ATP9B: variants seen among roughly 807,000 people sequenced by gnomAD.
ATP9B encodes the protein probable phospholipid-transporting ATPase IIB.
ATP9B carries 110 observed loss-of-function variants against 146.1 expected under a neutral mutation model. The observed-to-expected ratio is 0.75, with a 90% CI of 0.65 to 0.88. ATP9B has a LOEUF of 0.88. ATP9B is among the 40% of genes least tolerant of loss of function. The probability of loss-of-function intolerance (pLI) is 0.00; values close to 1 mark genes in which losing one functional copy is unlikely to be tolerated. For missense variants in ATP9B, 1,499 were observed against 1,496.4 expected, an observed-to-expected ratio of 1.00 and a Z score of -0.03; for synonymous variants, 604 against 569.7, an observed-to-expected ratio of 1.06 and a Z score of -0.86.
rs201895703 is a variant in ATP9B at position 79,336,614 on chromosome 18, C to T, written c.2029-14C>T. 2.5e-5 allele frequency: 40 copies of T among 1,613,380 alleles called. No individual in the cohort carries two copies. The highest frequency in any genetic ancestry group is 3.3e-5 in the Non-Finnish European group (39 of 1,179,700). On this transcript the variant is annotated splice_polypyrimidine_tract_variant and intron_variant, in intron 17 of 29. Transcript: ENST00000426216. ...CTGCAGGGCCCACCTGTGACTCGGC[C>T]TCTCCTTTTCCAGTGCGGAAACATG...
chr18:79,153,111 CTTCAGCTTTA>C (rs1330925559), intron 6 of ATP9B, among the ~76,000 whole-genome samples: 2 of 152,168 alleles, frequency 1.3e-5, no homozygotes, highest in African/African-American at 4.8e-5. Context: ...ACATAGCTTT[CTTCAGCTTTA>C]ACATGTTACC....
intron 29 of ATP9B, 72 bp downstream of exon 29, chr18:79,375,498 A>G (rs1046709729): frequency 6.4e-7 from 1 of 1,565,970 alleles, no homozygotes; most frequent in East Asian, 2.2e-5. Flanking sequence ...ATACTTAACT[A>G]ATAAGAAAAA....
At chr18:79,247,684 T>C (rs1428274646) in intron 11 of ATP9B, among the ~76,000 whole-genome samples, 1 of 152,224 alleles carries the variant, frequency 6.6e-6, no homozygotes, top group Admixed American at 6.5e-5. Flanking sequence ...TTACGTGTCA[T>C]ATGTTGGTTT....
chr18:79,227,263 T>C (rs904710367), intron 11 of ATP9B, among the ~76,000 whole-genome samples: 8 of 151,878 alleles, frequency 5.3e-5, no homozygotes, highest in African/African-American at 1.9e-4. Context: ...TGGCTCTGGG[T>C]TCCTTTTAGC....
At chr18:79,126,826 A>G (rs755060691) in intron 5 of ATP9B, among the ~76,000 whole-genome samples, 3 of 152,252 alleles carry the variant, frequency 2.0e-5, no homozygotes, top group Non-Finnish European at 4.4e-5. Flanking sequence ...ATCCAAGATG[A>G]TAACTGATGC....
At chr18:79,246,051 G>A (rs1362886790) in intron 11 of ATP9B, among the ~76,000 whole-genome samples, 2 of 47,754 alleles carry the variant, frequency 4.2e-5, no homozygotes, top group East Asian at 1.6e-3. Context: ...CTGACTGTGC[G>A]GAGGGCACCA....
chr18:79,254,733 GC>G (rs1222908267), intron 12 of ATP9B: 1 of 152,508 alleles, frequency 6.6e-6, no homozygotes. Context: ...CCACACTGCA[GC>G]TATCCCCATG....
At chr18:79,332,038 T>G (rs1468926862) in intron 17 of ATP9B, among the ~76,000 whole-genome samples, 2 of 152,268 alleles carry the variant, frequency 1.3e-5, no homozygotes, top group Non-Finnish European at 2.9e-5. Flanking sequence ...GAAGCCATAC[T>G]AATAACATGG....
chr18:79,072,641 GC>G (rs1171884377), intron 1 of ATP9B, among the ~76,000 whole-genome samples: 4 of 152,120 alleles, frequency 2.6e-5, no homozygotes, highest in African/African-American at 2.4e-5. Context: ...CGTCATCATG[GC>G]CCGTTCTCAG....
At chr18:79,200,779 A>AGG (rs2095475928) in intron 9 of ATP9B, among the ~76,000 whole-genome samples, 2 of 28,512 alleles carry the variant, frequency 7.0e-5, no homozygotes, top group African/African-American at 1.4e-4. Context: ...GTCAGAGCAG[A>AGG]AGTAGTGGTG....
chr18:79,156,666 T>C (rs2094787254), intron 7 of ATP9B, among the ~76,000 whole-genome samples: 1 of 152,230 alleles, frequency 6.6e-6, no homozygotes, highest in South Asian at 2.1e-4. Context: ...TCTTACTAAT[T>C]CTCTTTGCAA....
At chr18:79,233,547 GCA>G (rs1280503430) in intron 11 of ATP9B, among the ~76,000 whole-genome samples, 4 of 152,296 alleles carry the variant, frequency 2.6e-5, no homozygotes, top group African/African-American at 9.6e-5. Context: ...CCTGGGAAAG[GCA>G]CACGCATGAC....
intron 11 of ATP9B, among the ~76,000 whole-genome samples, chr18:79,250,978 A>C (rs772676908): frequency 5.3e-5 from 8 of 152,192 alleles, no homozygotes; most frequent in Non-Finnish European, 1.2e-4. Flanking sequence ...TAGAGCTGGG[A>C]ATGTGCAGTC....
At position 79,367,026 on chromosome 18, in the gene ATP9B, G is replaced by A. The variant is rs541535304; in HGVS notation, c.3013-5799G>A. Among the ~76,000 whole-genome samples, 45 of 150,616 alleles carry A rather than the reference G, an allele frequency of 3.0e-4. 1 individual carries two copies. The highest frequency in any genetic ancestry group is 3.5e-3 in the Middle Eastern group (1 of 284). ...ATACCTTCACCTCCACCGTGTGTACGCAGAGAAAGTGCCTCCTCAACCAGA... is the reference window on the plus strand; with the variant it reads ...ATACCTTCACCTCCACCGTGTGTACACAGAGAAAGTGCCTCCTCAACCAGA... On this transcript the variant is annotated intron_variant, in intron 26 of 29. Transcript: ENST00000426216.
At chr18:79,330,134 G>A in intron 17 of ATP9B, 30 bp downstream of exon 17, 2 of 1,589,264 alleles carry the variant, frequency 1.3e-6, no homozygotes, top group Non-Finnish European at 1.7e-6. Context: ...GTGGTTCACA[G>A]TGTTTCTATG....
At chr18:79,265,439 T>C (rs556030302) in intron 12 of ATP9B, among the ~76,000 whole-genome samples, 89 of 152,196 alleles carry the variant, frequency 5.8e-4, no homozygotes, top group Non-Finnish European at 2.5e-4. Context: ...CCACCACGCC[T>C]GGCCCGATGT....
chr18:79,201,903 G>C lies in ATP9B; in HGVS notation c.955-5034G>C, dbSNP rs1053854347. Among the ~76,000 whole-genome samples, 6 of 152,170 alleles carry C rather than the reference G, an allele frequency of 3.9e-5. 1 individual carries two copies. The East Asian group carries it at 5.8e-4, about 15-fold the overall frequency. The stretch of plus-strand genomic sequence containing the variant: ...AAATTTTTTTTTTAATTAGCCTAGT[G>C]GGGTGGCTACAGCTGGAGCACGCCT... On this transcript the variant is annotated intron_variant, in intron 9 of 29. Coordinates refer to ENST00000426216, the MANE Select transcript of ATP9B (RefSeq NM_198531.5).
intron 8 of ATP9B, among the ~76,000 whole-genome samples, chr18:79,190,798 G>A (rs1021602178): frequency 4.6e-5 from 7 of 152,020 alleles, no homozygotes; most frequent in African/African-American, 1.7e-4. Context: ...CACCTGCCAC[G>A]GCCTCCCAAA....
chr18:79,153,969 T>C (rs2094731420), intron 6 of ATP9B, among the ~76,000 whole-genome samples: 1 of 149,770 alleles, frequency 6.7e-6, no homozygotes, highest in African/African-American at 2.5e-5. Context: ...TTTTTTTTTT[T>C]TTTTTTTGAG....
Sources: gnomAD v4.1 joint callset for allele counts (sites outside exome capture counted in the v4.1 genomes callset) on GRCh38, gnomAD v4.1.1 for gene constraint, MANE v1.5 for transcripts, NCBI Gene and HGNC (gene_info 2026-07-23, HGNC 2026-07-21) for gene names.